Variants in PDE1A observed in about 807,000 individuals in gnomAD.
PDE1A encodes the protein dual specificity calcium/calmodulin-dependent 3',5'-cyclic nucleotide phosphodiesterase 1A.
In PDE1A, 35 loss-of-function variants were observed where a neutral mutation model predicts 61.7. That is an observed-to-expected ratio of 0.57 (90% CI 0.43 to 0.75). PDE1A has a LOEUF of 0.75. PDE1A is among the 30% of genes least tolerant of loss of function. The probability of loss-of-function intolerance (pLI) is 0.00; values close to 1 mark genes in which losing one functional copy is unlikely to be tolerated. For missense variants in PDE1A, 597 were observed against 630.6 expected, an observed-to-expected ratio of 0.95 and a Z score of 0.57; for synonymous variants, 232 against 213.2, an observed-to-expected ratio of 1.09 and a Z score of -0.77.
intron 2 of PDE1A, among the ~76,000 whole-genome samples, chr2:182,444,573 T>C (rs1685010689): frequency 6.6e-6 from 1 of 152,096 alleles, no homozygotes; most frequent in South Asian, 2.1e-4. Context: ...ATGCTACTTA[T>C]GAATTTTGAG....
chr2:182,474,762 A>G (rs989373362), intron 2 of PDE1A, among the ~76,000 whole-genome samples: 2 of 151,928 alleles, frequency 1.3e-5, no homozygotes, highest in Non-Finnish European at 2.9e-5. Context: ...TCTTTCCAAA[A>G]AGATTAAGGA....
chr2:182,565,118 G>C, the PDE1A span, among the ~76,000 whole-genome samples: 127 of 152,316 alleles, frequency 8.3e-4, 1 homozygote, highest in Non-Finnish European at 8.7e-4. Context: ...CTTTGGAGGA[G>C]GAGAGGCGCT....
the PDE1A span, among the ~76,000 whole-genome samples, chr2:182,700,750 A>AAAAAAAC: frequency 1.4e-5 from 2 of 144,774 alleles, no homozygotes; most frequent in African/African-American, 5.1e-5. Flanking sequence ...ACAGAAAGAA[A>AAAAAAAC]AGAAAAAGAA....
At chr2:182,141,819 T>G (rs1690238880) in exon 15 of PDE1A, 1 of 152,198 alleles carries the variant, frequency 6.6e-6, no homozygotes, top group South Asian at 2.1e-4. Context: ...CCTGATTCTT[T>G]CCAGCCAATT....
chr2:182,695,450 GAGAATGA>G, the PDE1A span, among the ~76,000 whole-genome samples: 1,360 of 152,150 alleles, frequency 8.9e-3, 14 homozygotes, highest in South Asian at 0.054. Context: ...CTCTGCAAAA[GAGAATGA>G]AAAGATAAGC....
chr2:182,206,137 A>C (rs1687082511), intron 7 of PDE1A, 72 bp from the exon 8 acceptor site: 1 of 1,229,012 alleles, frequency 8.1e-7, no homozygotes, highest in South Asian at 1.7e-5. Context: ...AGACTTACTC[A>C]AGTATCAAGT....
chr2:182,535,244 T>C, the PDE1A span, among the ~76,000 whole-genome samples: 16 of 152,082 alleles, frequency 1.1e-4, no homozygotes, highest in Non-Finnish European at 2.2e-4. Context: ...GCATACATTA[T>C]CTGTTAATCT....
intron 1 of PDE1A, among the ~76,000 whole-genome samples, chr2:182,381,907 CT>C (rs1437134082): frequency 6.6e-6 from 1 of 151,756 alleles, no homozygotes; most frequent in African/African-American, 2.4e-5. Flanking sequence ...TTATTTTATT[CT>C]TACTGAAACA....
chr2:182,290,580 C>A (rs182712785), intron 1 of PDE1A, among the ~76,000 whole-genome samples: 8 of 151,950 alleles, frequency 5.3e-5, no homozygotes, highest in Admixed American at 4.6e-4. Flanking sequence ...CCTGAAGGGG[C>A]CTCCCCATGT....
chr2:182,219,701 C>T (rs577896483), intron 7 of PDE1A, among the ~76,000 whole-genome samples: 48 of 152,158 alleles, frequency 3.2e-4, no homozygotes, highest in Non-Finnish European at 5.4e-4. Flanking sequence ...GGGTAAAGTC[C>T]TAGTTATAAC....
At chr2:182,484,684 C>A (rs1306220053) in intron 2 of PDE1A, among the ~76,000 whole-genome samples, 2 of 151,576 alleles carry the variant, frequency 1.3e-5, no homozygotes, top group African/African-American at 2.4e-5. Context: ...ACAAACAACC[C>A]CATTAAAAAG....
chr2:182,699,906 G>C, the PDE1A span, among the ~76,000 whole-genome samples: 2 of 152,208 alleles, frequency 1.3e-5, no homozygotes, highest in Admixed American at 6.5e-5. Context: ...GGCATAGCTA[G>C]GATTCCAACC....
intron 2 of PDE1A, among the ~76,000 whole-genome samples, chr2:182,511,971 C>A (rs577830410): frequency 6.6e-6 from 1 of 152,130 alleles, no homozygotes; most frequent in South Asian, 2.1e-4. Context: ...AACATACATG[C>A]GTGGACCACA....
chr2:182,354,433 G>A (rs984436223), intron 1 of PDE1A, among the ~76,000 whole-genome samples: 2 of 152,070 alleles, frequency 1.3e-5, no homozygotes, highest in Non-Finnish European at 2.9e-5. Context: ...GGAAAATCAC[G>A]TTTTCTGCCT....
At position 182,347,267 on chromosome 2, in the gene PDE1A, C is replaced by T. The variant is rs1211686772; in HGVS notation, c.53+79311G>A. ...GTACATTGACCTACCATGCTAATAA[C>T]TCAAGGAGAAAGGAATATGCACAGA... On this transcript the variant is annotated intron_variant, in intron 1 of 13. Coordinates refer to ENST00000351439, the Ensembl canonical transcript of PDE1A. Among the ~76,000 whole-genome samples the T allele has an allele frequency of 2.6e-5, 4 of 152,066 alleles. No individual in the cohort carries two copies. The South Asian group carries it at 8.3e-4, about 31-fold the overall frequency.
chr2:182,342,417 C>T (rs1474740838), intron 1 of PDE1A, among the ~76,000 whole-genome samples: 3 of 152,222 alleles, frequency 2.0e-5, no homozygotes, highest in Non-Finnish European at 4.4e-5. Context: ...GGCACGGTGG[C>T]TCACGCCTGT....
intron 1 of PDE1A, among the ~76,000 whole-genome samples, chr2:182,368,286 T>C (rs1699943889): frequency 6.6e-6 from 1 of 152,074 alleles, no homozygotes; most frequent in East Asian, 1.9e-4. Flanking sequence ...CAAATTTTAT[T>C]ATTTTCTCAT....
At chr2:182,385,596 G>T (rs1700983652) in intron 1 of PDE1A, among the ~76,000 whole-genome samples, 1 of 118,234 alleles carries the variant, frequency 8.5e-6, no homozygotes, top group Non-Finnish European at 1.8e-5. Flanking sequence ...TACCATTAAA[G>T]AAAAATGCTT....
intron 1 of PDE1A, among the ~76,000 whole-genome samples, chr2:182,419,305 T>C (rs894756890): frequency 1.3e-5 from 2 of 151,804 alleles, no homozygotes; most frequent in Non-Finnish European, 2.9e-5. Context: ...TGCTGTAGAG[T>C]ATATTGATTT....
Sources: gnomAD v4.1 joint callset for allele counts (sites outside exome capture counted in the v4.1 genomes callset) on GRCh38, gnomAD v4.1.1 for gene constraint, MANE v1.5 for transcripts, NCBI Gene and HGNC (gene_info 2026-07-23, HGNC 2026-07-21) for gene names.